Variants in PDGFRL observed in about 807,000 individuals in gnomAD.
The protein encoded by PDGFRL is platelet-derived growth factor receptor-like protein.
A neutral mutation model predicts 37.2 loss-of-function variants in PDGFRL; 46 were observed. That is an observed-to-expected ratio of 1.24 (90% CI 0.98 to 1.58). The LOEUF is 1.58. Ranked by LOEUF, PDGFRL falls within the 40% of genes most tolerant of loss-of-function variation. PDGFRL has a pLI of 0.00. For synonymous variants in PDGFRL, 251 were observed against 184.3 expected, an observed-to-expected ratio of 1.36 and a Z score of -2.93; for missense variants, 692 against 467.6, an observed-to-expected ratio of 1.48 and a Z score of -4.43.
intron 4 of PDGFRL, among the ~76,000 whole-genome samples, chr8:17,630,690 A>C (rs1162112815): frequency 6.6e-6 from 1 of 152,118 alleles, no homozygotes; most frequent in Non-Finnish European, 1.5e-5. Context: ...TAAGTGAGAG[A>C]GGTCAGAGGA....
intron 2 of PDGFRL, among the ~76,000 whole-genome samples, chr8:17,592,784 C>T (rs1322870044): frequency 6.6e-6 from 1 of 152,276 alleles, no homozygotes; most frequent in African/African-American, 2.4e-5. Context: ...ACACTGAAAA[C>T]TACTATTATT....
intron 3 of PDGFRL, among the ~76,000 whole-genome samples, chr8:17,621,949 A>C (rs1238291956): frequency 6.6e-6 from 1 of 152,220 alleles, no homozygotes; most frequent in Non-Finnish European, 1.5e-5. Flanking sequence ...CTGTAGTTAC[A>C]GGCATGAGCC....
At chr8:17,622,030 T>TC (rs1804646445) in intron 3 of PDGFRL, among the ~76,000 whole-genome samples, 1 of 152,142 alleles carries the variant, frequency 6.6e-6, no homozygotes, top group Non-Finnish European at 1.5e-5. Context: ...TCCCAAAGAT[T>TC]GTGGCTGTTG....
chr8:17,631,348 C>T (rs1228543989), intron 4 of PDGFRL, among the ~76,000 whole-genome samples: 2 of 152,178 alleles, frequency 1.3e-5, no homozygotes, highest in Non-Finnish European at 2.9e-5. Flanking sequence ...CCATCCCCTG[C>T]AGTGGAGCTT....
chr8:17,620,528 A>T (rs1378541493), intron 2 of PDGFRL, among the ~76,000 whole-genome samples: 1 of 152,170 alleles, frequency 6.6e-6, no homozygotes, highest in Non-Finnish European at 1.5e-5. Context: ...CGATGTACCA[A>T]TATTTATACA....
At chr8:17,582,137 G>T (rs1383741104) in intron 1 of PDGFRL, among the ~76,000 whole-genome samples, 1 of 152,156 alleles carries the variant, frequency 6.6e-6, no homozygotes, top group Non-Finnish European at 1.5e-5. Flanking sequence ...CTGGAGAAAA[G>T]TCACCCTTGT....
intron 2 of PDGFRL, among the ~76,000 whole-genome samples, chr8:17,595,378 G>A (rs1341119484): frequency 6.6e-6 from 1 of 152,136 alleles, no homozygotes; most frequent in East Asian, 1.9e-4. Flanking sequence ...CCCTGATGGT[G>A]GCACATTCTC....
Position 17,577,232 on chromosome 8 carries a change from C to A in PDGFRL, c.-21C>A. 6.2e-7 allele frequency: 1 copy of A among 1,610,442 alleles called. No individual in the cohort carries two copies. The highest frequency in any genetic ancestry group is 8.5e-7 in the Non-Finnish European group (1 of 1,178,662). On this transcript the variant is annotated 5_prime_UTR_variant, in exon 1 of 6. Transcript: ENST00000251630. The stretch of plus-strand genomic sequence containing the variant: ...CGCGCAGCCGCCGCGCTCCTGCGCT[C>A]CGAGGTCCGAGGTTCCCGAGATGAA...
At chr8:17,629,351 G>T (rs760203002) in intron 4 of PDGFRL, among the ~76,000 whole-genome samples, 2 of 150,122 alleles carry the variant, frequency 1.3e-5, no homozygotes, top group Non-Finnish European at 2.9e-5. Context: ...TCCTTCCATC[G>T]TTCACTCTGG....
At chr8:17,605,481 C>T (rs1804254374) in intron 2 of PDGFRL, among the ~76,000 whole-genome samples, 1 of 152,330 alleles carries the variant, frequency 6.6e-6, no homozygotes, top group Non-Finnish European at 1.5e-5. Flanking sequence ...ATCTTCTCTG[C>T]ACACATTTTG....
At chr8:17,617,452 A>T (rs958109989) in intron 2 of PDGFRL, among the ~76,000 whole-genome samples, 2 of 152,164 alleles carry the variant, frequency 1.3e-5, no homozygotes, top group Non-Finnish European at 2.9e-5. Context: ...CTCTGTACAG[A>T]CACTGGCTCT....
chr8:17,609,755 C>T (rs1563517738), intron 2 of PDGFRL, among the ~76,000 whole-genome samples: 1 of 151,090 alleles, frequency 6.6e-6, no homozygotes, highest in East Asian at 2.0e-4. Flanking sequence ...TTGAACCCTA[C>T]GTTTTAAAAA....
At chr8:17,638,407 G>T (rs1468486960) in intron 5 of PDGFRL, among the ~76,000 whole-genome samples, 1 of 151,992 alleles carries the variant, frequency 6.6e-6, no homozygotes, top group African/African-American at 2.4e-5. Flanking sequence ...GTCTGAGAGA[G>T]TACTTGATAT....
chr8:17,628,118 C>T (rs1331844658), intron 3 of PDGFRL, among the ~76,000 whole-genome samples: 5 of 150,830 alleles, frequency 3.3e-5, no homozygotes, highest in African/African-American at 2.4e-5. Context: ...CTCAGCCTCC[C>T]GAGTAGCTGG....
chr8:17,617,229 T>C (rs955756228), intron 2 of PDGFRL, among the ~76,000 whole-genome samples: 2 of 152,182 alleles, frequency 1.3e-5, no homozygotes, highest in Non-Finnish European at 2.9e-5. Flanking sequence ...ACTCCTAGTT[T>C]AGAAAGAAAA....
intron 5 of PDGFRL, among the ~76,000 whole-genome samples, chr8:17,638,840 C>T (rs1000695409): frequency 2.1e-5 from 3 of 144,898 alleles, no homozygotes; most frequent in South Asian, 2.3e-4. Flanking sequence ...TAATGTCCGT[C>T]TTTCTCTTTT....
chr8:17,621,473 A>C (rs1238670488), intron 3 of PDGFRL, among the ~76,000 whole-genome samples: 1 of 151,974 alleles, frequency 6.6e-6, no homozygotes, highest in African/African-American at 2.4e-5. Context: ...GGTCACACAG[A>C]AAGTAAGTGG....
At chr8:17,619,828 A>G (rs1454773014) in intron 2 of PDGFRL, among the ~76,000 whole-genome samples, 2 of 152,238 alleles carry the variant, frequency 1.3e-5, no homozygotes, top group African/African-American at 4.8e-5. Flanking sequence ...TATTGCACCA[A>G]TGGTTTTACT....
At chr8:17,604,575 G>A (rs1804233056) in intron 2 of PDGFRL, among the ~76,000 whole-genome samples, 1 of 152,008 alleles carries the variant, frequency 6.6e-6, no homozygotes, top group African/African-American at 2.4e-5. Flanking sequence ...TCACATACCG[G>A]GGACTGTTGT....
Sources: allele counts gnomAD v4.1 joint callset (sites outside exome capture counted in the v4.1 genomes callset), GRCh38; gene constraint gnomAD v4.1.1; transcripts MANE v1.5; gene names NCBI Gene and HGNC (gene_info 2026-07-23, HGNC 2026-07-21).